CRLS1: variants seen among roughly 807,000 people sequenced by gnomAD.
CRLS1 encodes the protein cardiolipin synthase 1, also known as cardiolipin synthase (CMP-forming).
A neutral mutation model predicts 37.0 loss-of-function variants in CRLS1; 24 were observed. The observed-to-expected ratio is 0.65, with a 90% CI of 0.47 to 0.91. CRLS1 has a LOEUF of 0.91. CRLS1 is among the 40% of genes least tolerant of loss of function. The pLI is 0.00. For synonymous variants in CRLS1, 135 were observed against 159.7 expected (o/e 0.85, Z 1.17); for missense variants, 373 against 395.8 (o/e 0.94, Z 0.49).
intron 3 of CRLS1, among the ~76,000 whole-genome samples, chr20:6,027,853 C>T (rs1028303598): frequency 6.6e-6 from 1 of 152,176 alleles, no homozygotes; most frequent in African/African-American, 2.4e-5. Flanking sequence ...TGTTAGGGAA[C>T]GCTTGGGGCG....
At chr20:6,008,339 G>C (rs893092062) in intron 1 of CRLS1, among the ~76,000 whole-genome samples, 1 of 152,154 alleles carries the variant, frequency 6.6e-6, no homozygotes, top group Non-Finnish European at 1.5e-5. Flanking sequence ...AGGGAAAGGC[G>C]TTTTCTTGTT....
rs1251819045 is a variant in CRLS1 at position 6,037,109 on chromosome 20, A to G, written c.857A>G (p.Tyr286Cys). The G allele has an allele frequency of 1.9e-6, 3 of 1,613,760 alleles. No homozygotes were observed. Among genetic ancestry groups the G allele is most frequent in the Admixed American group, 1.7e-5 (1 of 60,018 alleles). Residue 286 changes from tyrosine to cysteine, a missense_variant, in exon 7 of 7, where the codon TAT becomes TGT. By Grantham distance (194) the Tyr-to-Cys change is radical. Coordinates refer to ENST00000378863, the MANE Select transcript of CRLS1 (RefSeq NM_019095.6). ...FTAFTTAASA[Y>C]SYYHYGRKTV... ...GCTTTCACCACAGCTGCATCAGCTT[A>G]TAGTTACTATCATTATGGCCGGAAG...
intron 2 of CRLS1, among the ~76,000 whole-genome samples, chr20:6,010,238 G>A (rs1310938051): frequency 2.6e-5 from 4 of 152,132 alleles, no homozygotes; most frequent in African/African-American, 4.8e-5. Context: ...ATAAAGGAGA[G>A]GAGATCTGAG....
intron 3 of CRLS1, among the ~76,000 whole-genome samples, chr20:6,020,368 C>A (rs1008108015): frequency 3.3e-5 from 5 of 152,026 alleles, no homozygotes; most frequent in African/African-American, 1.2e-4. Flanking sequence ...CTTTCATTGA[C>A]CTGTTAGGTT....
chr20:6,010,290 C>T (rs1196462378), intron 2 of CRLS1, among the ~76,000 whole-genome samples: 2 of 151,912 alleles, frequency 1.3e-5, no homozygotes, highest in Non-Finnish European at 2.9e-5. Flanking sequence ...ATACTCAGAT[C>T]TGCAAAAAAA....
Position 6,009,322 on chromosome 20 carries a change from C to CA in CRLS1, c.307-434dup, listed in dbSNP as rs60724010. The stretch of plus-strand genomic sequence containing the variant: ...TGGGCAACAGAACTAGACTCCATCT[C>CA]AAAAAAAAAAAAAAAAAAAGAGAAA... On this transcript the variant is annotated intron_variant, in intron 1 of 6. Transcript: ENST00000378863. 8.9e-3 allele frequency among the ~76,000 whole-genome samples: 1,223 copies of CA among 137,782 alleles called. 15 individuals are homozygous for CA. Among genetic ancestry groups the CA allele is most frequent in the East Asian group, 0.029 (131 of 4,596 alleles). 90.4% of individuals were successfully genotyped at this position (137,782 alleles called of 152,430 possible).
chr20:6,025,078 G>A (rs184322717), intron 3 of CRLS1, among the ~76,000 whole-genome samples: 31 of 152,332 alleles, frequency 2.0e-4, no homozygotes, highest in Non-Finnish European at 3.7e-4. Context: ...TCTAGCTAAT[G>A]ATGAGGGTGG....
At chr20:6,018,104 T>C (rs1978903182) in intron 3 of CRLS1, among the ~76,000 whole-genome samples, 1 of 151,056 alleles carries the variant, frequency 6.6e-6, no homozygotes, top group Non-Finnish European at 1.5e-5. Context: ...TAATCCCAGC[T>C]ACTCAGGAGG....
chr20:6,037,241 A>C lies in CRLS1; in HGVS notation c.*83A>C. ...CATGGAAATGTACAGGAGTTTCCCT[A>C]TTTTGGTGTTCAGCTTGAAAAAGGA... On this transcript the variant is annotated 3_prime_UTR_variant, in exon 7 of 7. Coordinates refer to ENST00000378863, the MANE Select transcript of CRLS1 (RefSeq NM_019095.6). 2 of 938,020 alleles carry C rather than the reference A, an allele frequency of 2.1e-6. No individual in the cohort carries two copies. The highest frequency in any genetic ancestry group is 3.1e-6 in the Non-Finnish European group (2 of 640,672). The allele number at this position is 938,020 out of a possible 1,614,324, so 58.1% of individuals were successfully genotyped here. A position where few individuals can be genotyped will look rare whatever the true frequency, so the allele number is the denominator to read the frequency against.
chr20:6,027,115 G>A (rs1330676253), intron 3 of CRLS1, among the ~76,000 whole-genome samples: 4 of 142,674 alleles, frequency 2.8e-5, no homozygotes, highest in South Asian at 2.2e-4. Flanking sequence ...AAGGAGTTTC[G>A]CTCTGTCACC....
intron 3 of CRLS1, among the ~76,000 whole-genome samples, chr20:6,030,122 C>G (rs1013184): frequency 2.6e-5 from 4 of 150,950 alleles, no homozygotes; most frequent in Non-Finnish European, 5.9e-5. Flanking sequence ...TGAACTCAGG[C>G]TTTTTTTTTT....
intron 3 of CRLS1, among the ~76,000 whole-genome samples, chr20:6,025,850 G>T (rs1192556641): frequency 6.6e-6 from 1 of 152,210 alleles, no homozygotes; most frequent in African/African-American, 2.4e-5. Context: ...AGAATTAGAA[G>T]TGGAGCCTGA....
intron 6 of CRLS1, 117 bp from the exon 7 acceptor site, chr20:6,036,957 T>C: frequency 8.5e-6 from 6 of 703,178 alleles, no homozygotes; most frequent in South Asian, 8.1e-5. Context: ...CAGAGCCCTT[T>C]TTACTTTTTA....
At chr20:6,019,176 A>T (rs548909159) in intron 3 of CRLS1, among the ~76,000 whole-genome samples, 1 of 152,290 alleles carries the variant, frequency 6.6e-6, no homozygotes, top group African/African-American at 2.4e-5. Flanking sequence ...GCAGAGTTTT[A>T]AAATAGGTAA....
Position 6,037,985 on chromosome 20 carries a change from A to C in CRLS1, c.*827A>C, listed in dbSNP as rs2123040210. 6.6e-6 allele frequency: 1 copy of C among 152,308 alleles called. No homozygotes were observed. The highest frequency in any genetic ancestry group is 1.5e-5 in the Non-Finnish European group (1 of 68,022). The allele number at this position is 152,308 out of a possible 1,614,324, so 9.4% of individuals were successfully genotyped here. On this transcript the variant is annotated 3_prime_UTR_variant, in exon 7 of 7. Coordinates refer to ENST00000378863, the MANE Select transcript of CRLS1 (RefSeq NM_019095.6). The stretch of plus-strand genomic sequence containing the variant: ...CTGTATATTTTTCAAAGGTTTTTTA[A>C]ACTTTGGAGACTCTTTCTTTTGTTA...
chr20:6,027,237 C>G (rs899573869), intron 3 of CRLS1, among the ~76,000 whole-genome samples: 4 of 151,960 alleles, frequency 2.6e-5, no homozygotes, highest in African/African-American at 9.7e-5. Flanking sequence ...CCACCCACCA[C>G]CATGCCTGGC....
intron 3 of CRLS1, chr20:6,015,837 G>A (rs779643252): frequency 3.3e-5 from 9 of 274,568 alleles, no homozygotes; most frequent in Non-Finnish European, 6.5e-5. Flanking sequence ...GTTTTCCTAC[G>A]TTTATTATCT....
chr20:6,026,868 A>G (rs1979749921), intron 3 of CRLS1, among the ~76,000 whole-genome samples: 1 of 152,148 alleles, frequency 6.6e-6, no homozygotes, highest in Non-Finnish European at 1.5e-5. Flanking sequence ...ATTGCACTCC[A>G]GTGCCCCTTG....
intron 2 of CRLS1, among the ~76,000 whole-genome samples, chr20:6,013,965 G>T (rs115272922): frequency 6.6e-6 from 1 of 152,198 alleles, no homozygotes; most frequent in Admixed American, 6.5e-5. Context: ...TGGCGAAAAA[G>T]TGAAAGGTTA....
Sources: gnomAD v4.1 joint callset for allele counts (sites outside exome capture counted in the v4.1 genomes callset) on GRCh38, gnomAD v4.1.1 for gene constraint, MANE v1.5 for transcripts, NCBI Gene and HGNC (gene_info 2026-07-23, HGNC 2026-07-21) for gene names.